Variants in PTBP3 observed in about 807,000 individuals in gnomAD.
PTBP3 encodes polypyrimidine tract-binding protein 3.
In PTBP3, 20 loss-of-function variants were observed where a neutral mutation model predicts 58.7. The observed-to-expected ratio is 0.34, with a 90% confidence interval of 0.24 to 0.50. The LOEUF (loss-of-function observed/expected upper bound fraction) is 0.50. PTBP3 is among the 20% of genes least tolerant of loss of function. The pLI, the probability that PTBP3 is intolerant of heterozygous loss-of-function variation, is 0.98. For missense variants in PTBP3, 509 were observed against 637.2 expected (o/e 0.80, Z 2.17); for synonymous variants, 185 against 219.8 (o/e 0.84, Z 1.40).
chr9:112,344,280 A>G, the PTBP3 span, among the ~76,000 whole-genome samples: 2 of 152,188 alleles, frequency 1.3e-5, no homozygotes, highest in Non-Finnish European at 2.9e-5. Flanking sequence ...TTTGATTATC[A>G]TTGTGGCAGT....
Position 112,220,988 on chromosome 9 carries a change from T to C in PTBP3, c.*2863A>G, listed in dbSNP as rs566812806. 1.1e-5 allele frequency: 11 copies of C among 971,226 alleles called. No individual in the cohort carries two copies. The highest frequency in any genetic ancestry group is 6.2e-5 in the Admixed American group (1 of 16,254). The allele number at this position is 971,226 out of a possible 1,614,324, so 60.2% of individuals were successfully genotyped here. A position where few individuals can be genotyped will look rare whatever the true frequency, so the allele number is the denominator to read the frequency against. On this transcript the variant is annotated 3_prime_UTR_variant, in exon 14 of 14. Transcript: ENST00000374257. ...ATACACAGATCTAGTTTTTCCACCA[T>C]CCTGATATTTTTTAATCTTTTTTTT...
At chr9:112,320,315 T>TATATATATATATATATATA (rs60292377) in intron 1 of PTBP3, among the ~76,000 whole-genome samples, 14 of 27,064 alleles carry the variant, frequency 5.2e-4, no homozygotes, top group East Asian at 1.4e-3. Flanking sequence ...TATATATATA[T>TATATATATATATATATATA]TTTTTTTTAA....
the PTBP3 span, among the ~76,000 whole-genome samples, chr9:112,345,380 AT>A: frequency 0.45 from 51,278 of 113,230 alleles, 11,155 homozygotes; most frequent in African/African-American, 0.55. Context: ...AGGAAAAAAA[AT>A]TTTTTTTTTT....
chr9:112,291,698 C>T (rs141047423), intron 2 of PTBP3, among the ~76,000 whole-genome samples: 1 of 152,092 alleles, frequency 6.6e-6, no homozygotes, highest in Admixed American at 6.5e-5. Flanking sequence ...TTACTTTACA[C>T]CACATGAAAA....
the PTBP3 span, among the ~76,000 whole-genome samples, chr9:112,345,533 G>A: frequency 1.3e-5 from 2 of 151,448 alleles, no homozygotes; most frequent in Non-Finnish European, 2.9e-5. Context: ...ACACCACCAT[G>A]CCCAGCTAAT....
intron 1 of PTBP3, among the ~76,000 whole-genome samples, chr9:112,314,701 C>T (rs752207383): frequency 5.3e-5 from 8 of 152,096 alleles, no homozygotes; most frequent in African/African-American, 9.7e-5. Flanking sequence ...AAACACCTCA[C>T]AGAACTACAA....
Position 112,222,904 on chromosome 9 carries a change from A to G in PTBP3, c.*947T>C. 5 of 878,766 alleles carry G rather than the reference A, an allele frequency of 5.7e-6. No individual in the cohort carries two copies. Among genetic ancestry groups the G allele is most frequent in the Non-Finnish European group, 6.8e-6 (5 of 732,576 alleles). The allele number at this position is 878,766 out of a possible 1,614,324, so 54.4% of individuals were successfully genotyped here. A position where few individuals can be genotyped will look rare whatever the true frequency, so the allele number is the denominator to read the frequency against. ...TAATTTTTTTCTAAAAGAAGACCTT[A>G]CCAAAAATAACTTTTAAAAAATCTG... On this transcript the variant is annotated 3_prime_UTR_variant, in exon 14 of 14. Transcript: ENST00000374257.
chr9:112,227,961 A>G (rs1249405148), intron 11 of PTBP3, among the ~76,000 whole-genome samples: 1 of 152,206 alleles, frequency 6.6e-6, no homozygotes, highest in Non-Finnish European at 1.5e-5. Flanking sequence ...AGAAATTTTG[A>G]GTAATACTTT....
chr9:112,307,349 G>C (rs1051359401), intron 1 of PTBP3, among the ~76,000 whole-genome samples: 1 of 152,076 alleles, frequency 6.6e-6, no homozygotes, highest in East Asian at 1.9e-4. Context: ...AGCTACTTTG[G>C]GGGCTGAGGT....
chr9:112,281,167 C>T (rs569056438), intron 2 of PTBP3: 1 of 171,894 alleles, frequency 5.8e-6, no homozygotes, highest in African/African-American at 2.4e-5. Context: ...TGCATAATCT[C>T]TATCATTTAG....
At chr9:112,296,249 G>C (rs1828683971) in intron 2 of PTBP3, among the ~76,000 whole-genome samples, 1 of 152,064 alleles carries the variant, frequency 6.6e-6, no homozygotes, top group African/African-American at 2.4e-5. Context: ...GACAGAATCA[G>C]ATGTTAACTT....
chr9:112,235,658 C>T (rs897827954), intron 7 of PTBP3, among the ~76,000 whole-genome samples: 5 of 151,972 alleles, frequency 3.3e-5, no homozygotes, highest in African/African-American at 1.2e-4. Context: ...GAAATAAGGG[C>T]ACAAACTCAG....
the PTBP3 span, among the ~76,000 whole-genome samples, chr9:112,344,821 A>G: frequency 1.3e-5 from 2 of 152,188 alleles, no homozygotes; most frequent in Non-Finnish European, 2.9e-5. Context: ...ATACCACAAA[A>G]ACAATTAGAT....
At chr9:112,298,729 A>C (rs1263552450) in intron 1 of PTBP3, among the ~76,000 whole-genome samples, 1 of 152,238 alleles carries the variant, frequency 6.6e-6, no homozygotes, top group African/African-American at 2.4e-5. Flanking sequence ...GTGCTACAGC[A>C]CATATTTAAT....
chr9:112,221,481 T>G lies in PTBP3; in HGVS notation c.*2370A>C. 1.0e-6 allele frequency: 1 copy of G among 985,358 alleles called. No individual in the cohort carries two copies. The highest frequency in any genetic ancestry group is 4.7e-5 in the South Asian group (1 of 21,278). The allele number at this position is 985,358 out of a possible 1,614,324, so 61.0% of individuals were successfully genotyped here. ...AATAAATTACACAGTAATTCCTAAC[T>G]TAAAGTAAATGAAATAATCCAATTT... On this transcript the variant is annotated 3_prime_UTR_variant, in exon 14 of 14. Transcript: ENST00000374257.
chr9:112,295,932 ACATGCAGCCTGTGCACAG>A (rs1828666041), intron 2 of PTBP3, among the ~76,000 whole-genome samples: 3 of 152,232 alleles, frequency 2.0e-5, no homozygotes. Context: ...AGCTTGTCCA[ACATGCAGCCTGTGCACAG>A]CATGCAGCCC....
intron 7 of PTBP3, among the ~76,000 whole-genome samples, chr9:112,241,285 G>C (rs1835650876): frequency 6.6e-6 from 1 of 152,118 alleles, no homozygotes; most frequent in African/African-American, 2.4e-5. Context: ...TGTATTTTTA[G>C]TACAGATGGG....
At chr9:112,229,790 C>CA (rs1457497698) in intron 10 of PTBP3, among the ~76,000 whole-genome samples, 6 of 152,136 alleles carry the variant, frequency 3.9e-5, no homozygotes, top group African/African-American at 1.4e-4. Context: ...AGGTTGGTCT[C>CA]AAACAATCTG....
chr9:112,329,410 C>T (rs1357673770), intron 1 of PTBP3, among the ~76,000 whole-genome samples: 1 of 52,892 alleles, frequency 1.9e-5, no homozygotes, highest in Non-Finnish European at 3.7e-5. Context: ...GGAGGCTCCG[C>T]CTCAAAAAAA....
Sources: gnomAD v4.1 joint callset for allele counts (sites outside exome capture counted in the v4.1 genomes callset) on GRCh38, gnomAD v4.1.1 for gene constraint, MANE v1.5 for transcripts, NCBI Gene and HGNC (gene_info 2026-07-23, HGNC 2026-07-21) for gene names.